The following PDE11A variants were observed in gnomAD, a reference collection of about 807,000 sequenced individuals.
PDE11A encodes the protein phosphodiesterase 11A.
PDE11A carries 100 observed loss-of-function variants against 100.5 expected under a neutral mutation model. That is an observed-to-expected ratio of 1.00 (90% CI 0.85 to 1.18). The LOEUF (loss-of-function observed/expected upper bound fraction) is 1.18, where lower values mean the gene tolerates loss of function less well. Among genes scored for constraint, PDE11A ranks in the 50% most tolerant of loss-of-function variants. The pLI is 0.00. For synonymous variants in PDE11A, 381 were observed against 420.8 expected, an observed-to-expected ratio of 0.91 and a Z score of 1.16; for missense variants, 1,141 against 1,152.6, an observed-to-expected ratio of 0.99 and a Z score of 0.15.
intron 5 of PDE11A, among the ~76,000 whole-genome samples, chr2:177,864,447 T>C (rs1407278739): frequency 6.6e-6 from 1 of 152,176 alleles, no homozygotes; most frequent in Non-Finnish European, 1.5e-5. Context: ...ATGTATTCCA[T>C]AACATGTTGT....
At position 177,817,948 on chromosome 2, in the gene PDE11A, G is replaced by A. The variant is rs986019926; in HGVS notation, c.1577-23C>T. The A allele has an allele frequency of 3.4e-6, 4 of 1,174,412 alleles. No individual in the cohort carries two copies. In the South Asian group the frequency reaches 4.9e-5, roughly 14 times the overall value. 72.7% of individuals were successfully genotyped at this position (1,174,412 alleles called of 1,614,324 possible). ...CTCCTATGGGGAAAGAGTGGATTAT[G>A]TGGTCATTTTTAGTACTGGACATTG... On this transcript the variant is annotated intron_variant, in intron 7 of 19. Coordinates refer to ENST00000286063, the MANE Select transcript of PDE11A (RefSeq NM_016953.4).
rs1553491110 is a variant in PDE11A at position 177,933,087 on chromosome 2, C to CAT, written c.1072-27901_1072-27900insAT. Among the ~76,000 whole-genome samples, 1,488 of 151,566 alleles carry CAT rather than the reference C, an allele frequency of 9.8e-3. 22 individuals are homozygous for CAT. The highest frequency in any genetic ancestry group is 0.034 in the African/African-American group (1,406 of 41,292). ...CAATAGCCACACACACACACACACA[C>CAT]ACAAATAAAATACCTAGGAATACAT... On this transcript the variant is annotated intron_variant, in intron 2 of 19. Coordinates refer to ENST00000286063, the MANE Select transcript of PDE11A (RefSeq NM_016953.4).
At chr2:177,883,499 T>A (rs1259643820) in intron 4 of PDE11A, among the ~76,000 whole-genome samples, 3 of 152,026 alleles carry the variant, frequency 2.0e-5, no homozygotes, top group Non-Finnish European at 4.4e-5. Context: ...AGTTCACAAA[T>A]GTTTCACCAC....
At chr2:177,656,273 C>A (rs79163222) in intron 19 of PDE11A, among the ~76,000 whole-genome samples, 11,232 of 152,168 alleles carry the variant, frequency 0.074, 499 homozygotes, top group East Asian at 0.18. Flanking sequence ...TTTAGATGCA[C>A]AAATATTTAC....
intron 6 of PDE11A, among the ~76,000 whole-genome samples, chr2:177,820,778 T>G (rs2083125413): frequency 6.6e-6 from 1 of 151,954 alleles, no homozygotes; most frequent in South Asian, 2.1e-4. Context: ...ACTATATTAT[T>G]ATGTATGTTG....
At chr2:177,995,652 C>CCT (rs926717213) in intron 2 of PDE11A, among the ~76,000 whole-genome samples, 5 of 149,126 alleles carry the variant, frequency 3.4e-5, no homozygotes, top group Admixed American at 2.7e-4. Context: ...CACCACCCAC[C>CCT]CCGCATCTGC....
intron 6 of PDE11A, among the ~76,000 whole-genome samples, chr2:177,837,915 C>A (rs2083430997): frequency 6.6e-6 from 1 of 152,174 alleles, no homozygotes; most frequent in Admixed American, 6.5e-5. Flanking sequence ...TAATTAAAAG[C>A]AGATACCCAA....
At chr2:177,800,171 A>T (rs536367795) in intron 9 of PDE11A, among the ~76,000 whole-genome samples, 4 of 98,666 alleles carry the variant, frequency 4.1e-5, no homozygotes, top group African/African-American at 1.5e-4. Context: ...CAGTCTAATT[A>T]AAAAAATTTT....
chr2:177,802,331 A>G (rs1426668905), intron 9 of PDE11A, among the ~76,000 whole-genome samples: 2 of 152,040 alleles, frequency 1.3e-5, no homozygotes, highest in African/African-American at 4.8e-5. Context: ...ACACATACTG[A>G]CCTTTTGACC....
At position 177,681,198 on chromosome 2, in the gene PDE11A, C is replaced by T. The variant is rs572284471; in HGVS notation, c.2346-295G>A. The stretch of plus-strand genomic sequence containing the variant: ...CATTTAGGATTATGTGCTGTGAAGC[C>T]CTAGTGATACTTACTGAAAGTCAGA... On this transcript the variant is annotated intron_variant, in intron 15 of 19. Transcript: ENST00000286063. Among the ~76,000 whole-genome samples, 3 of 152,048 alleles carry T rather than the reference C, an allele frequency of 2.0e-5. No homozygotes were observed. In the South Asian group the frequency reaches 6.2e-4, roughly 32 times the overall value.
chr2:177,828,251 T>C (rs767678837), intron 6 of PDE11A, among the ~76,000 whole-genome samples: 6 of 152,158 alleles, frequency 3.9e-5, no homozygotes, highest in Admixed American at 3.9e-4. Flanking sequence ...CCTTTTCTTA[T>C]AAATATGTAT....
chr2:177,779,366 G>A (rs1164992208), intron 9 of PDE11A, among the ~76,000 whole-genome samples: 1 of 152,098 alleles, frequency 6.6e-6, no homozygotes, highest in Non-Finnish European at 1.5e-5. Flanking sequence ...AATGAGGTTT[G>A]CACATGAATT....
intron 5 of PDE11A, among the ~76,000 whole-genome samples, chr2:177,841,470 C>A (rs1467213368): frequency 6.6e-6 from 1 of 152,180 alleles, no homozygotes; most frequent in African/African-American, 2.4e-5. Flanking sequence ...ACTTTTTAAT[C>A]TAAACTGCAC....
chr2:177,858,486 CA>C (rs1222370799), intron 5 of PDE11A, among the ~76,000 whole-genome samples: 2 of 151,178 alleles, frequency 1.3e-5, no homozygotes, highest in African/African-American at 4.9e-5. Context: ...CCAACAGACA[CA>C]TGAAAAAATG....
chr2:177,937,115 A>C (rs2085284659), intron 2 of PDE11A, among the ~76,000 whole-genome samples: 1 of 152,080 alleles, frequency 6.6e-6, no homozygotes, highest in South Asian at 2.1e-4. Flanking sequence ...GTGCTTTTAC[A>C]GCACTCTAAT....
chr2:177,862,458 A>C (rs1265641222), intron 5 of PDE11A, among the ~76,000 whole-genome samples: 1 of 151,892 alleles, frequency 6.6e-6, no homozygotes, highest in Non-Finnish European at 1.5e-5. Flanking sequence ...ATTCCACCAA[A>C]AAACTGTTAG....
At chr2:177,938,253 G>A (rs1362512098) in intron 2 of PDE11A, among the ~76,000 whole-genome samples, 1 of 152,136 alleles carries the variant, frequency 6.6e-6, no homozygotes, top group Non-Finnish European at 1.5e-5. Flanking sequence ...TGAGCTTAGG[G>A]TTTCTTAAAA....
At chr2:177,762,835 G>T (rs184281741) in intron 10 of PDE11A, among the ~76,000 whole-genome samples, 1 of 152,264 alleles carries the variant, frequency 6.6e-6, no homozygotes, top group East Asian at 1.9e-4. Context: ...GGGGAGGTCA[G>T]GGTCACCACA....
chr2:177,731,584 G>A (rs891104622), intron 10 of PDE11A, among the ~76,000 whole-genome samples: 10 of 152,078 alleles, frequency 6.6e-5, no homozygotes, highest in African/African-American at 1.9e-4. Context: ...CTAACCCAAA[G>A]ACCCAAGATT....
Sources: allele counts gnomAD v4.1 joint callset (sites outside exome capture counted in the v4.1 genomes callset), GRCh38; gene constraint gnomAD v4.1.1; transcripts MANE v1.5; gene names NCBI Gene and HGNC (gene_info 2026-07-23, HGNC 2026-07-21).